PRRG1: variants seen among roughly 807,000 people sequenced by gnomAD.
PRRG1 encodes proline rich and Gla domain 1, also known as transmembrane gamma-carboxyglutamic acid protein 1.
Under a neutral mutation model 11.8 loss-of-function variants are expected in PRRG1, and 5 were observed. The ratio of observed to expected loss-of-function variants is 0.42; its 90% CI spans 0.22 to 0.89. The LOEUF is 0.89. Among genes scored for constraint, PRRG1 ranks in the 40% least tolerant of loss-of-function variants. PRRG1 has a pLI of 0.28. For missense variants in PRRG1, 155 were observed against 166.1 expected (o/e 0.93, Z 0.37); for synonymous variants, 66 against 60.4 (o/e 1.09, Z -0.43).
intron 1 of PRRG1, among the ~76,000 whole-genome samples, chrX:37,358,723 A>G (rs1303274622): frequency 9.0e-6 from 1 of 111,233 alleles, no homozygotes; most frequent in Non-Finnish European, 1.9e-5. Context: ...CTTTAGAATC[A>G]GTTGTTTTTT....
chrX:37,358,448 TC>T (rs1393191462), intron 1 of PRRG1, among the ~76,000 whole-genome samples: 1 of 111,825 alleles, frequency 8.9e-6, no homozygotes, highest in African/African-American at 3.3e-5. Context: ...CATTTTTTTT[TC>T]ATGTGGATGT....
intron 1 of PRRG1, among the ~76,000 whole-genome samples, chrX:37,373,151 T>A (rs1930824643): frequency 8.9e-6 from 1 of 112,364 alleles, no homozygotes; most frequent in African/African-American, 3.2e-5. Flanking sequence ...GTTGTATTTG[T>A]CTATGTGTCT....
intron 3 of PRRG1, among the ~76,000 whole-genome samples, chrX:37,452,259 T>G (rs1227229454): frequency 8.9e-6 from 1 of 111,996 alleles, no homozygotes; most frequent in East Asian, 2.8e-4. Context: ...AGTATTTATA[T>G]GCCAGGGACT....
chrX:37,421,979 T>C (rs142867111), intron 2 of PRRG1, among the ~76,000 whole-genome samples: 1,879 of 111,963 alleles, frequency 0.017, 87 homozygotes, highest in Admixed American at 0.13. Context: ...CTTAGTATTA[T>C]ATTACCTTGC....
intron 1 of PRRG1, among the ~76,000 whole-genome samples, chrX:37,375,715 A>G (rs1240827717): frequency 1.8e-5 from 2 of 111,079 alleles, no homozygotes; most frequent in South Asian, 7.7e-4. Flanking sequence ...TTGGTAAGAA[A>G]GAGAATGTTC....
intron 1 of PRRG1, among the ~76,000 whole-genome samples, chrX:37,398,252 T>G (rs2146566321): frequency 9.0e-6 from 1 of 110,766 alleles, no homozygotes; most frequent in South Asian, 4.0e-4. Flanking sequence ...GACTGACGCC[T>G]CACACGGCCG....
chrX:37,391,738 A>G (rs1443453012), intron 1 of PRRG1, among the ~76,000 whole-genome samples: 5 of 112,046 alleles, frequency 4.5e-5, no homozygotes, highest in Non-Finnish European at 7.5e-5. Flanking sequence ...TTATGAAGTG[A>G]TTTATAGGGC....
At chrX:37,395,822 A>G (rs1348819459) in intron 1 of PRRG1, among the ~76,000 whole-genome samples, 1 of 111,761 alleles carries the variant, frequency 8.9e-6, no homozygotes, top group Admixed American at 9.5e-5. Context: ...TAGTGCATCT[A>G]ATAAGATAAG....
chrX:37,443,437 A>G (rs782599933), intron 3 of PRRG1, among the ~76,000 whole-genome samples: 2 of 111,969 alleles, frequency 1.8e-5, no homozygotes, highest in African/African-American at 6.5e-5. Flanking sequence ...CGTAAGGGAG[A>G]CATTATAGAT....
intron 3 of PRRG1, among the ~76,000 whole-genome samples, chrX:37,431,071 A>G (rs782480844): frequency 6.2e-4 from 70 of 112,483 alleles, no homozygotes; most frequent in Non-Finnish European, 1.1e-3. Flanking sequence ...CAAGTTACAT[A>G]TATCAATAGT....
intron 3 of PRRG1, among the ~76,000 whole-genome samples, chrX:37,451,095 C>T (rs1017944316): frequency 3.6e-5 from 4 of 111,682 alleles, no homozygotes; most frequent in Admixed American, 1.9e-4. Flanking sequence ...TCGGCTCACC[C>T]GCAACCTCCG....
intron 1 of PRRG1, among the ~76,000 whole-genome samples, chrX:37,377,813 G>A (rs1556372831): frequency 9.0e-6 from 1 of 111,549 alleles, no homozygotes; most frequent in Non-Finnish European, 1.9e-5. Flanking sequence ...TCTGCCCTAC[G>A]TCTCCATTTA....
intron 1 of PRRG1, among the ~76,000 whole-genome samples, chrX:37,373,517 A>T (rs1930835364): frequency 9.0e-6 from 1 of 111,673 alleles, no homozygotes; most frequent in African/African-American, 3.2e-5. Flanking sequence ...ATCCTTGGTT[A>T]CGTTTATTCC....
chrX:37,372,287 A>G (rs1221250698), intron 1 of PRRG1, among the ~76,000 whole-genome samples: 1 of 111,703 alleles, frequency 9.0e-6, no homozygotes, highest in Non-Finnish European at 1.9e-5. Context: ...TCTGTCAGGT[A>G]CTTTGCCCAT....
intron 2 of PRRG1, among the ~76,000 whole-genome samples, chrX:37,407,159 G>C (rs1298434065): frequency 9.0e-6 from 1 of 111,730 alleles, no homozygotes; most frequent in Non-Finnish European, 1.9e-5. Flanking sequence ...GATTGTCATG[G>C]GGTCTCTGTT....
chrX:37,426,768 C>T (rs1278750102), intron 3 of PRRG1, among the ~76,000 whole-genome samples: 2 of 112,539 alleles, frequency 1.8e-5, no homozygotes, highest in African/African-American at 6.4e-5. Flanking sequence ...ATCATGCAAT[C>T]ACAAAGCACG....
chrX:37,350,221 A>G (rs189084606), intron 1 of PRRG1, among the ~76,000 whole-genome samples: 10 of 112,416 alleles, frequency 8.9e-5, no homozygotes, highest in South Asian at 3.7e-4. Context: ...GGCTCCAGCC[A>G]CTGGTTTTTG....
At chrX:37,408,752 A>T (rs1303758782) in intron 2 of PRRG1, among the ~76,000 whole-genome samples, 1 of 112,135 alleles carries the variant, frequency 8.9e-6, no homozygotes, top group Non-Finnish European at 1.9e-5. Context: ...ATAACATTAG[A>T]ACATCATGTT....
chrX:37,443,502 T>G (rs5963529), intron 3 of PRRG1, among the ~76,000 whole-genome samples: 28,640 of 110,934 alleles, frequency 0.26, 5,940 homozygotes, highest in African/African-American at 0.71. Flanking sequence ...AAGAGAGAGT[T>G]TGACAAATCT....
Sources: gnomAD v4.1 joint callset for allele counts (sites outside exome capture counted in the v4.1 genomes callset) on GRCh38, gnomAD v4.1.1 for gene constraint, MANE v1.5 for transcripts, NCBI Gene and HGNC (gene_info 2026-07-23, HGNC 2026-07-21) for gene names.